GNAQ: variants seen among roughly 807,000 people sequenced by gnomAD.
GNAQ encodes guanine nucleotide-binding protein G(q) subunit alpha.
Under a neutral mutation model 43.9 loss-of-function variants are expected in GNAQ, and 8 were observed. The observed-to-expected ratio is 0.18, with a 90% confidence interval of 0.11 to 0.33. The LOEUF is 0.33. GNAQ is among the 10% of genes least tolerant of loss of function. The pLI, the probability that GNAQ is intolerant of heterozygous loss-of-function variation, is 1.00. For missense variants in GNAQ, 158 were observed against 450.8 expected (o/e 0.35, Z 5.88); for synonymous variants, 155 against 170.7 (o/e 0.91, Z 0.71).
chr9:77,740,276 G>A (rs1825632981), intron 5 of GNAQ, among the ~76,000 whole-genome samples: 1 of 152,150 alleles, frequency 6.6e-6, no homozygotes. Flanking sequence ...TCAGTGAGGT[G>A]CCAGTGTCCT....
At chr9:77,773,341 C>T (rs1488715081) in intron 5 of GNAQ, among the ~76,000 whole-genome samples, 4 of 152,130 alleles carry the variant, frequency 2.6e-5, no homozygotes, top group African/African-American at 9.7e-5. Context: ...AACTTAGCAC[C>T]AACAGTAATA....
At chr9:77,772,161 A>G (rs1826231524) in intron 5 of GNAQ, among the ~76,000 whole-genome samples, 1 of 152,184 alleles carries the variant, frequency 6.6e-6, no homozygotes, top group African/African-American at 2.4e-5. Flanking sequence ...TAGTCCCCCA[A>G]CCCACACACA....
At chr9:77,828,857 G>A (rs1305875310) in intron 2 of GNAQ, among the ~76,000 whole-genome samples, 1 of 152,180 alleles carries the variant, frequency 6.6e-6, no homozygotes, top group East Asian at 1.9e-4. Flanking sequence ...TCTATAACTG[G>A]AATATTGGAT....
intron 5 of GNAQ, among the ~76,000 whole-genome samples, chr9:77,733,764 C>T (rs780942125): frequency 1.3e-5 from 2 of 152,196 alleles, no homozygotes; most frequent in African/African-American, 2.4e-5. Context: ...ATCACAGGCC[C>T]ACATGGTAGG....
intron 1 of GNAQ, among the ~76,000 whole-genome samples, chr9:77,927,127 T>TCCCACATA (rs1829082128): frequency 6.6e-6 from 1 of 152,228 alleles, no homozygotes; most frequent in Non-Finnish European, 1.5e-5. Context: ...CAAGATCTTT[T>TCCCACATA]CAACACAACA....
chr9:77,895,884 G>GT (rs1485514474), intron 2 of GNAQ, among the ~76,000 whole-genome samples: 1 of 152,044 alleles, frequency 6.6e-6, no homozygotes, highest in Non-Finnish European at 1.5e-5. Context: ...TGCCATCCAC[G>GT]TAAGATATGA....
At chr9:77,781,499 T>C (rs1247546863) in intron 5 of GNAQ, among the ~76,000 whole-genome samples, 1 of 152,094 alleles carries the variant, frequency 6.6e-6, no homozygotes, top group African/African-American at 2.4e-5. Context: ...AAGGAGGGAA[T>C]ACCTCCTAAC....
rs140768657 is a variant in GNAQ, at chr9:77,749,138, C to T, written c.736-20471G>A. The stretch of plus-strand genomic sequence containing the variant: ...CTGTGGGGTCTTCACTCTTCACTGC[C>T]GCCAGGTTCTCAATCCTTTCCATAG... On this transcript the variant is annotated intron_variant, in intron 5 of 6. Coordinates refer to ENST00000286548, the MANE Select transcript of GNAQ (RefSeq NM_002072.5). Among the ~76,000 whole-genome samples the T allele has an allele frequency of 3.9e-5, 6 of 152,286 alleles. No homozygotes were observed. The East Asian group carries it at 7.7e-4, about 20-fold the overall frequency.
chr9:77,900,230 G>A (rs891921891), intron 2 of GNAQ, among the ~76,000 whole-genome samples: 2 of 152,162 alleles, frequency 1.3e-5, no homozygotes, highest in Non-Finnish European at 1.5e-5. Context: ...AATTTAGAAT[G>A]TGGAGGCCAG....
At chr9:78,009,424 CCT>C (rs917670941) in intron 1 of GNAQ, among the ~76,000 whole-genome samples, 1 of 152,142 alleles carries the variant, frequency 6.6e-6, no homozygotes, top group Admixed American at 6.5e-5. Context: ...AGCAGACGTC[CCT>C]CTCTCTTGAT....
intron 2 of GNAQ, among the ~76,000 whole-genome samples, chr9:77,911,828 T>C (rs1314985847): frequency 1.3e-5 from 2 of 152,134 alleles, no homozygotes; most frequent in East Asian, 3.9e-4. Flanking sequence ...CACTGAATAA[T>C]AATGAAGCCA....
rs1328529 is a variant in GNAQ at position 77,794,429 on chromosome 9, A to G, written c.735+34T>C. ...TCATTTACTTGTATCAGATAATAAA[A>G]TGATAATCCATTGCCTGTCTAAAGA... is the stretch of plus-strand genomic sequence containing the variant. On this transcript the variant is annotated intron_variant, in intron 5 of 6. Coordinates refer to ENST00000286548, the MANE Select transcript of GNAQ (RefSeq NM_002072.5). The G allele has an allele frequency of 0.52, 751,307 of 1,438,706 alleles. 207,036 individuals are homozygous for G. The highest frequency in any genetic ancestry group is 0.57 in the Non-Finnish European group (598,020 of 1,045,850). 89.1% of individuals were successfully genotyped at this position (1,438,706 alleles called of 1,614,324 possible).
chr9:77,873,584 G>C (rs1266508339), intron 2 of GNAQ, among the ~76,000 whole-genome samples: 1 of 152,182 alleles, frequency 6.6e-6, no homozygotes, highest in African/African-American at 2.4e-5. Flanking sequence ...AAGTAAAAAG[G>C]GGGAGGAAGG....
At position 77,870,482 on chromosome 9, in the gene GNAQ, C is replaced by T. The variant is rs543517601; in HGVS notation, c.321+51679G>A. On this transcript the variant is annotated intron_variant, in intron 2 of 6. Coordinates refer to ENST00000286548, the MANE Select transcript of GNAQ (RefSeq NM_002072.5). ...CTGGGACTACAGGCGCCTGCCAAGGCGCCCTGGCTAATTTTTTGTATTTTT... is the reference window on the plus strand; with the variant it reads ...CTGGGACTACAGGCGCCTGCCAAGGTGCCCTGGCTAATTTTTTGTATTTTT... 2.4e-3 allele frequency among the ~76,000 whole-genome samples: 368 copies of T among 151,902 alleles called. 4 individuals are homozygous for T. The highest frequency in any genetic ancestry group is 0.014 in the South Asian group (66 of 4,816).
intron 2 of GNAQ, among the ~76,000 whole-genome samples, chr9:77,860,981 C>T (rs1378847116): frequency 1.3e-5 from 2 of 152,226 alleles, no homozygotes; most frequent in African/African-American, 2.4e-5. Flanking sequence ...AAAGAATACC[C>T]GAGGCTGGAT....
intron 5 of GNAQ, among the ~76,000 whole-genome samples, chr9:77,733,787 A>G (rs1587889018): frequency 6.6e-6 from 1 of 152,240 alleles, no homozygotes; most frequent in African/African-American, 2.4e-5. Context: ...CAAAGCAGTG[A>G]TAAGTAGGAG....
intron 1 of GNAQ, among the ~76,000 whole-genome samples, chr9:77,969,025 A>T (rs1823204176): frequency 6.6e-6 from 1 of 152,216 alleles, no homozygotes; most frequent in South Asian, 2.1e-4. Context: ...AATATTTTCA[A>T]CCAATCATGG....
chr9:77,760,827 G>A (rs1425188292), intron 5 of GNAQ, among the ~76,000 whole-genome samples: 17 of 143,302 alleles, frequency 1.2e-4, no homozygotes, highest in Admixed American at 4.2e-4. Context: ...GCCGCCCATC[G>A]TCTGAGATGT....
chr9:77,787,717 G>GTT (rs1315877451), intron 5 of GNAQ, among the ~76,000 whole-genome samples: 1 of 152,172 alleles, frequency 6.6e-6, no homozygotes, highest in East Asian at 1.9e-4. Context: ...AAATGAGTGA[G>GTT]TTGATCACAT....
Sources: gnomAD v4.1 joint callset for allele counts (sites outside exome capture counted in the v4.1 genomes callset) on GRCh38, gnomAD v4.1.1 for gene constraint, MANE v1.5 for transcripts, NCBI Gene and HGNC (gene_info 2026-07-23, HGNC 2026-07-21) for gene names.